ZNF420: variants seen among roughly 807,000 people sequenced by gnomAD.
ZNF420 encodes zinc finger protein 420.
Under a neutral mutation model 44.7 loss-of-function variants are expected in ZNF420, and 31 were observed. The ratio of observed to expected loss-of-function variants is 0.69; its 90% CI spans 0.52 to 0.94. The LOEUF is 0.94. Ranked by LOEUF, ZNF420 falls within the 40% of genes least tolerant of loss-of-function variation. ZNF420 has a pLI of 0.00. For synonymous variants in ZNF420, 245 were observed against 267.4 expected (o/e 0.92, Z 0.82); for missense variants, 681 against 827.9 (o/e 0.82, Z 2.18).
At chr19:37,074,244 C>A (rs1047132063), upstream of ZNF420, among the ~76,000 whole-genome samples, 10 of 152,098 alleles carry the variant, frequency 6.6e-5, no homozygotes, top group African/African-American at 2.4e-4. Flanking sequence ...CTCCTTGAAC[C>A]AAAGTAATAA....
intron 1 of ZNF420, among the ~76,000 whole-genome samples, chr19:37,016,293 C>T (rs529356769): frequency 1.2e-3 from 178 of 152,302 alleles, no homozygotes; most frequent in Middle Eastern, 6.8e-3. Context: ...CCTCTCAGCA[C>T]GGAACCATTG....
chr19:37,009,369 C>A (rs1354983696), intron 1 of ZNF420, among the ~76,000 whole-genome samples: 1 of 152,184 alleles, frequency 6.6e-6, no homozygotes, highest in African/African-American at 2.4e-5. Flanking sequence ...TTCTGGTTCC[C>A]AGCTGTGCTT....
chr19:37,019,056 A>G (rs911070636), intron 1 of ZNF420, among the ~76,000 whole-genome samples: 3 of 152,210 alleles, frequency 2.0e-5, no homozygotes, highest in African/African-American at 7.2e-5. Context: ...TGTGAATCAA[A>G]AGACATCAGT....
chr19:37,124,924 C>T (rs1195361564), intron 4 of ZNF420, among the ~76,000 whole-genome samples: 1 of 152,274 alleles, frequency 6.6e-6, no homozygotes, highest in Admixed American at 6.5e-5. Context: ...GCAACCTCCG[C>T]CTCCCAGGTT....
At chr19:37,101,496 A>G (rs929498072) in intron 4 of ZNF420, among the ~76,000 whole-genome samples, 6 of 152,204 alleles carry the variant, frequency 3.9e-5, no homozygotes, top group African/African-American at 1.2e-4. Flanking sequence ...CTCCATCTCA[A>G]TCAATCAATC....
At chr19:37,070,589 G>A (rs1465986201) in intron 1 of ZNF420, among the ~76,000 whole-genome samples, 2 of 152,146 alleles carry the variant, frequency 1.3e-5, no homozygotes, top group South Asian at 2.1e-4. Context: ...AAGAAATTGA[G>A]CAAAGGGTTT....
At position 37,127,867 on chromosome 19, in the gene ZNF420, AC is replaced by A. The variant is rs1346004411; in HGVS notation, c.877del (p.Gln293AsnfsTer58). On this transcript the variant is annotated frameshift_variant, in exon 5 of 5. Transcript: ENST00000337995. LOFTEE classifies it high-confidence loss of function. ...GTAGGAAGGTCTTTACTCAGCTCTC[AC>A]AACTTATTCTGCATAAGAGAATTCA... ...ECRKVFTQLS[Q>X]LILHKRIHTG... 1 of 1,613,944 alleles carries A rather than the reference AC, an allele frequency of 6.2e-7. No homozygotes were observed. The highest frequency in any genetic ancestry group is 1.3e-5 in the African/African-American group (1 of 74,920).
At chr19:37,127,082 A>G (rs1971385214) in intron 4 of ZNF420, 46 bp from the exon 5 acceptor site, 1 of 1,420,282 alleles carries the variant, frequency 7.0e-7, no homozygotes, top group Non-Finnish European at 9.3e-7. Context: ...TGTCTTTTCT[A>G]TAGAAGTTAT....
intron 4 of ZNF420, among the ~76,000 whole-genome samples, chr19:37,112,321 C>T (rs1970424654): frequency 6.6e-6 from 1 of 151,882 alleles, no homozygotes; most frequent in Admixed American, 6.6e-5. Flanking sequence ...TAGTGATTTC[C>T]TCACCCCATT....
intron 1 of ZNF420, among the ~76,000 whole-genome samples, chr19:37,019,850 C>T (rs1445272377): frequency 6.6e-6 from 1 of 152,032 alleles, no homozygotes; most frequent in African/African-American, 2.4e-5. Flanking sequence ...AAACTGAAAG[C>T]AGTTTCAAAG....
At chr19:37,107,989 G>A (rs372382168) in intron 4 of ZNF420, among the ~76,000 whole-genome samples, 10 of 152,174 alleles carry the variant, frequency 6.6e-5, no homozygotes, top group South Asian at 4.1e-4. Context: ...AAAATCTGAC[G>A]TATTCCAGTC....
In ZNF420 at chr19:37,125,743, A is replaced by G. The variant is rs186429236; in HGVS notation, c.137-1385A>G. Among the ~76,000 whole-genome samples, 12 of 152,174 alleles carry G rather than the reference A, an allele frequency of 7.9e-5. No homozygotes were observed. The East Asian group carries it at 2.1e-3, about 27-fold the overall frequency. On this transcript the variant is annotated intron_variant, in intron 4 of 4. Coordinates refer to ENST00000337995, the MANE Select transcript of ZNF420 (RefSeq NM_144689.5). ...CTTGGATAACATTATACAAAATCCA[A>G]TAAAGATTTAAGTTTGCTATGGCAA...
rs1296523114 is a variant in ZNF420 at position 37,129,908 on chromosome 19, C to T, written c.*850C>T. 7.7e-7 allele frequency: 1 copy of T among 1,291,334 alleles called. No individual in the cohort carries two copies. Among genetic ancestry groups the T allele is most frequent in the East Asian group, 2.7e-5 (1 of 36,838 alleles). 80.0% of individuals were successfully genotyped at this position (1,291,334 alleles called of 1,614,324 possible). A position where few individuals can be genotyped will look rare whatever the true frequency, so the allele number is the denominator to read the frequency against. On this transcript the variant is annotated 3_prime_UTR_variant, in exon 5 of 5. Coordinates refer to ENST00000337995, the MANE Select transcript of ZNF420 (RefSeq NM_144689.5). ...TTGAATGTATTGCTTTTGAAGTAAA[C>T]AAAATAACTGATATTACAGACTATT...
intron 4 of ZNF420, among the ~76,000 whole-genome samples, chr19:37,100,943 A>ATGTT (rs1366633851): frequency 6.7e-6 from 1 of 149,998 alleles, no homozygotes; most frequent in African/African-American, 2.4e-5. Context: ...TCTTTTGTCA[A>ATGTT]TGTTTATAGT....
rs1262467235 is a variant in ZNF420, at chr19:37,129,471, T to A, written c.*413T>A. On this transcript the variant is annotated 3_prime_UTR_variant, in exon 5 of 5. Transcript: ENST00000337995. ...TATGTAAGTTATTACATGTAAAAGC[T>A]CTTAGAATGGTGCCTTGAACGTAGC... is the stretch of plus-strand genomic sequence containing the variant. 3 of 173,386 alleles carry A rather than the reference T, an allele frequency of 1.7e-5. No homozygotes were observed. The highest frequency in any genetic ancestry group is 7.2e-5 in the African/African-American group (3 of 41,724). The allele number at this position is 173,386 out of a possible 1,614,324, so 10.7% of individuals were successfully genotyped here. A position where few individuals can be genotyped will look rare whatever the true frequency, so the allele number is the denominator to read the frequency against.
At chr19:37,072,879 A>T (rs140553876) in intron 1 of ZNF420, among the ~76,000 whole-genome samples, 1 of 152,368 alleles carries the variant, frequency 6.6e-6, no homozygotes, top group African/African-American at 2.4e-5. Context: ...ATGAACATTT[A>T]AAAGGTATAT....
In ZNF420 at chr19:37,087,293, ATAAATAAAT is replaced by A. The variant is rs1328404317; in HGVS notation, c.-80-1745_-80-1737del. ...GTGAGACCCTGTCTCAAAAAAAAAA[ATAAATAAAT>A]AAATAAATAAATAAATAAATAAATA... On this transcript the variant is annotated intron_variant, in intron 2 of 4. Transcript: ENST00000337995. Among the ~76,000 whole-genome samples, 147 of 86,848 alleles carry A rather than the reference ATAAATAAAT, an allele frequency of 1.7e-3. 4 individuals carry two copies. Among genetic ancestry groups the A allele is most frequent in the African/African-American group, 6.1e-3 (141 of 23,232 alleles). The allele number at this position is 86,848 out of a possible 152,430, so 57.0% of individuals were successfully genotyped here.
rs540038229 is a variant in ZNF420, at chr19:37,065,974, A to C, written c.-124-14371A>C. Among the ~76,000 whole-genome samples the C allele has an allele frequency of 2.0e-5, 3 of 152,360 alleles. No homozygotes were observed. The East Asian group carries it at 5.8e-4, about 29-fold the overall frequency. On this transcript the variant is annotated intron_variant, in intron 1 of 4. Coordinates refer to the ZNF420 transcript ENST00000587029. ...CATAAATCCTAGAACTAATATAAAA[A>C]GCTACAACTCTAAGGCTTCTAGAAA... is the stretch of plus-strand genomic sequence containing the variant.
rs934312975 is a variant in ZNF420 at position 37,113,487 on chromosome 19, GGCT to G, written c.137-13639_137-13637del. 4.3e-3 allele frequency among the ~76,000 whole-genome samples: 653 copies of G among 152,176 alleles called. 8 individuals carry two copies. The highest frequency in any genetic ancestry group is 0.015 in the African/African-American group (632 of 41,516). ...GGACCTTTCCTTTTAATGGTTTAAT[GGCT>G]GATTGACACTCAGGATTGGCATTTT... On this transcript the variant is annotated intron_variant, in intron 4 of 4. Coordinates refer to ENST00000337995, the MANE Select transcript of ZNF420 (RefSeq NM_144689.5).
Sources: allele counts gnomAD v4.1 joint callset (sites outside exome capture counted in the v4.1 genomes callset), GRCh38; gene constraint gnomAD v4.1.1; transcripts MANE v1.5; gene names NCBI Gene and HGNC (gene_info 2026-07-23, HGNC 2026-07-21).